Variants in EML4 observed in about 807,000 individuals in gnomAD.
EML4 encodes echinoderm microtubule-associated protein-like 4.
Under a neutral mutation model 129.0 loss-of-function variants are expected in EML4, and 72 were observed. The observed-to-expected ratio is 0.56, with a 90% confidence interval of 0.46 to 0.68. The LOEUF (loss-of-function observed/expected upper bound fraction) is 0.68, where lower values mean the gene tolerates loss of function less well. EML4 is among the 30% of genes least tolerant of loss of function. The pLI, the probability that EML4 is intolerant of heterozygous loss-of-function variation, is 0.00. For synonymous variants in EML4, 532 were observed against 405.0 expected (o/e 1.31, Z -3.77); for missense variants, 1,363 against 1,190.6 (o/e 1.14, Z -2.13).
chr2:42,232,241 C>T (rs1439229), intron 1 of EML4, among the ~76,000 whole-genome samples: 38,985 of 151,922 alleles, frequency 0.26, 6,015 homozygotes, highest in East Asian at 0.56. Context: ...ATGCACTGCA[C>T]AAGTGGGAGG....
intron 1 of EML4, among the ~76,000 whole-genome samples, chr2:42,216,231 T>C (rs35096206): frequency 2.9e-4 from 6 of 20,516 alleles, no homozygotes; most frequent in African/African-American, 1.8e-3. Context: ...GGCCCACTTC[T>C]TTTTTTTTTT....
At chr2:42,182,054 A>G (rs1417081827) in intron 1 of EML4, among the ~76,000 whole-genome samples, 2 of 150,182 alleles carry the variant, frequency 1.3e-5, no homozygotes, top group Non-Finnish European at 2.9e-5. Flanking sequence ...CCTGGCTTCC[A>G]TTATGCTTAA....
At chr2:42,175,503 A>G (rs1670548311) in intron 1 of EML4, among the ~76,000 whole-genome samples, 1 of 148,026 alleles carries the variant, frequency 6.8e-6, no homozygotes, top group South Asian at 2.2e-4. Flanking sequence ...TTTTTATTTT[A>G]TTTTATTTTG....
At chr2:42,249,889 T>C (rs1004708562) in intron 2 of EML4, among the ~76,000 whole-genome samples, 2 of 152,128 alleles carry the variant, frequency 1.3e-5, no homozygotes, top group African/African-American at 4.8e-5. Flanking sequence ...CATGTGTTCA[T>C]AATATATGCA....
At chr2:42,225,591 A>C (rs1673908159) in intron 1 of EML4, among the ~76,000 whole-genome samples, 1 of 152,188 alleles carries the variant, frequency 6.6e-6, no homozygotes, top group African/African-American at 2.4e-5. Flanking sequence ...CTGATGCTCT[A>C]AATCCAACTA....
At position 42,302,861 on chromosome 2, in the gene EML4, C is replaced by T. The variant is rs560784063; in HGVS notation, c.1642-243C>T. ...TTTTCCCTGTTCTTAACCCTTAACT[C>T]CTAAAGTCATATAAAATATACGTTT... On this transcript the variant is annotated intron_variant, in intron 14 of 22. Coordinates refer to ENST00000318522, the MANE Select transcript of EML4 (RefSeq NM_019063.5). Among the ~76,000 whole-genome samples the T allele has an allele frequency of 7.2e-5, 11 of 152,024 alleles. No individual in the cohort carries two copies. The South Asian group carries it at 1.7e-3, about 23-fold the overall frequency.
intron 3 of EML4, among the ~76,000 whole-genome samples, chr2:42,259,488 A>G (rs1048106403): frequency 6.6e-6 from 1 of 152,068 alleles, no homozygotes; most frequent in Non-Finnish European, 1.5e-5. Context: ...TTAACATAAG[A>G]TACATTCACC....
At chr2:42,263,835 T>C (rs1370303218) in intron 5 of EML4, among the ~76,000 whole-genome samples, 2 of 152,078 alleles carry the variant, frequency 1.3e-5, no homozygotes, top group African/African-American at 4.8e-5. Context: ...GTGCAAGCGA[T>C]TGTCCTGCCT....
chr2:42,275,808 C>T (rs1243097105), intron 6 of EML4, among the ~76,000 whole-genome samples: 1 of 152,102 alleles, frequency 6.6e-6, no homozygotes, highest in Non-Finnish European at 1.5e-5. Flanking sequence ...GCATCAGCTT[C>T]ATTATTGAAT....
At chr2:42,263,509 A>T (rs908029719) in intron 5 of EML4, among the ~76,000 whole-genome samples, 6 of 143,146 alleles carry the variant, frequency 4.2e-5, no homozygotes, top group African/African-American at 1.6e-4. Context: ...GGTTCAAGCA[A>T]TTCTCCTGCC....
intron 1 of EML4, among the ~76,000 whole-genome samples, chr2:42,223,566 T>C (rs961153874): frequency 2.0e-5 from 3 of 152,128 alleles, no homozygotes; most frequent in Non-Finnish European, 4.4e-5. Context: ...GCAGGTCATC[T>C]TTCTTCTCCT....
chr2:42,230,633 T>G (rs1674274576), intron 1 of EML4, among the ~76,000 whole-genome samples: 1 of 152,158 alleles, frequency 6.6e-6, no homozygotes, highest in African/African-American at 2.4e-5. Context: ...CTCAAACTCC[T>G]GACCTCAGGC....
intron 17 of EML4, among the ~76,000 whole-genome samples, chr2:42,314,978 T>A (rs1669159614): frequency 6.6e-6 from 1 of 152,258 alleles, no homozygotes; most frequent in African/African-American, 2.4e-5. Context: ...AATGAAAAGA[T>A]ACCTCTTTCA....
At chr2:42,291,263 A>G (rs779308251) in intron 11 of EML4, among the ~76,000 whole-genome samples, 1 of 152,228 alleles carries the variant, frequency 6.6e-6, no homozygotes, top group African/African-American at 2.4e-5. Context: ...CTTAGCATGA[A>G]AGGTAAAAAA....
intron 17 of EML4, among the ~76,000 whole-genome samples, chr2:42,305,065 G>C (rs577120256): frequency 6.6e-6 from 1 of 152,062 alleles, no homozygotes; most frequent in Non-Finnish European, 1.5e-5. Context: ...GCAGTGAGCC[G>C]AGATTGTGCC....
intron 6 of EML4, among the ~76,000 whole-genome samples, chr2:42,279,986 C>A (rs1159279406): frequency 6.6e-6 from 1 of 151,964 alleles, no homozygotes; most frequent in East Asian, 1.9e-4. Context: ...CTATTGAGTT[C>A]CTTATATATT....
intron 10 of EML4, among the ~76,000 whole-genome samples, chr2:42,287,449 C>G (rs1357897178): frequency 1.3e-5 from 2 of 152,110 alleles, no homozygotes; most frequent in Admixed American, 1.3e-4. Flanking sequence ...TTTTCTAATT[C>G]AGATAATATT....
At chr2:42,293,322 T>C (rs1178700284) in intron 11 of EML4, among the ~76,000 whole-genome samples, 2 of 152,078 alleles carry the variant, frequency 1.3e-5, no homozygotes, top group African/African-American at 4.8e-5. Flanking sequence ...AGTTGATCTC[T>C]AACTCCTGGC....
intron 2 of EML4, among the ~76,000 whole-genome samples, chr2:42,249,097 T>G (rs890802040): frequency 1.4e-4 from 22 of 152,178 alleles, no homozygotes; most frequent in Non-Finnish European, 2.4e-4. Context: ...CTAAAATAGA[T>G]CATCTCAGTT....
Sources: allele counts gnomAD v4.1 joint callset (sites outside exome capture counted in the v4.1 genomes callset), GRCh38; gene constraint gnomAD v4.1.1; transcripts MANE v1.5; gene names NCBI Gene and HGNC (gene_info 2026-07-23, HGNC 2026-07-21).